Variants in STK38 observed in about 807,000 individuals in gnomAD.
STK38 encodes the protein serine/threonine kinase 38.
In STK38, 26 loss-of-function variants were observed where a neutral mutation model predicts 59.0. The ratio of observed to expected loss-of-function variants is 0.44; its 90% CI spans 0.32 to 0.61. STK38 has a LOEUF of 0.61. STK38 is among the 20% of genes least tolerant of loss of function. The pLI, the probability that STK38 is intolerant of heterozygous loss-of-function variation, is 0.04. For missense variants in STK38, 433 were observed against 566.0 expected (o/e 0.76, Z 2.38); for synonymous variants, 175 against 176.6 (o/e 0.99, Z 0.07).
chr6:36,501,475 G>T (rs747216481), intron 9 of STK38, among the ~76,000 whole-genome samples: 1 of 151,376 alleles, frequency 6.6e-6, no homozygotes, highest in Non-Finnish European at 1.5e-5. Context: ...CAGAAAAAAG[G>T]AACAGACAAT....
chr6:36,534,428 T>G (rs1777738218), intron 2 of STK38, among the ~76,000 whole-genome samples: 4 of 152,128 alleles, frequency 2.6e-5, no homozygotes. Flanking sequence ...GCAGGAGGAC[T>G]GCCTGAGGCC....
intron 7 of STK38, among the ~76,000 whole-genome samples, chr6:36,515,044 T>A (rs1561980617): frequency 6.6e-6 from 1 of 152,130 alleles, no homozygotes; most frequent in Admixed American, 6.5e-5. Context: ...GTTAATTATA[T>A]GCTAAGAGAA....
intron 9 of STK38, among the ~76,000 whole-genome samples, chr6:36,505,551 G>T (rs1164660146): frequency 6.6e-6 from 1 of 152,154 alleles, no homozygotes; most frequent in African/African-American, 2.4e-5. Flanking sequence ...GACCTACTAA[G>T]AGTGTTATTA....
chr6:36,498,513 T>A, intron 10 of STK38, 27 bp from the exon 11 acceptor site: 1 of 1,603,912 alleles, frequency 6.2e-7, no homozygotes, highest in South Asian at 1.1e-5. Context: ...ACTTCGGAGC[T>A]TTTACACTCC....
Position 36,531,721 on chromosome 6 carries a change from T to A in STK38, c.132-6079A>T, listed in dbSNP as rs954817384. Among the ~76,000 whole-genome samples, 3 of 152,356 alleles carry A rather than the reference T, an allele frequency of 2.0e-5. No individual in the cohort carries two copies. The South Asian group carries it at 6.2e-4, about 32-fold the overall frequency. The stretch of plus-strand genomic sequence containing the variant: ...ACACTAGATTCAGGGGGTTTAATTA[T>A]TTTTAAACCAATCTGTAGAAGCTAC... On this transcript the variant is annotated intron_variant, in intron 2 of 13. Transcript: ENST00000229812.
At chr6:36,539,584 T>C (rs1561993924) in intron 2 of STK38, among the ~76,000 whole-genome samples, 2 of 152,098 alleles carry the variant, frequency 1.3e-5, no homozygotes, top group Non-Finnish European at 2.9e-5. Flanking sequence ...CCCATTTTCC[T>C]GATGAGGGAA....
intron 2 of STK38, among the ~76,000 whole-genome samples, chr6:36,538,218 G>A (rs1424847041): frequency 6.6e-6 from 1 of 151,602 alleles, no homozygotes; most frequent in East Asian, 2.0e-4. Context: ...GTGGGAGAAT[G>A]GCGTGAACCT....
chr6:36,540,553 T>C (rs1423109198), intron 1 of STK38, among the ~76,000 whole-genome samples: 1 of 152,230 alleles, frequency 6.6e-6, no homozygotes, highest in African/African-American at 2.4e-5. Flanking sequence ...GAGCTGTGGC[T>C]GCATAGGAAA....
chr6:36,511,101 T>C (rs1020791727), intron 7 of STK38, among the ~76,000 whole-genome samples: 4 of 152,158 alleles, frequency 2.6e-5, no homozygotes, highest in African/African-American at 9.7e-5. Context: ...TGGCCAAAAT[T>C]TGAGCCCAAA....
At chr6:36,504,086 T>G (rs745692021) in intron 9 of STK38, among the ~76,000 whole-genome samples, 3 of 152,232 alleles carry the variant, frequency 2.0e-5, no homozygotes, top group Non-Finnish European at 4.4e-5. Context: ...TGTTCTAACC[T>G]TATGATTTTG....
intron 2 of STK38, among the ~76,000 whole-genome samples, chr6:36,537,341 A>G (rs1031689563): frequency 1.3e-5 from 2 of 152,362 alleles, no homozygotes; most frequent in Non-Finnish European, 2.9e-5. Flanking sequence ...GCAGTTTCTT[A>G]TAAAACTAAA....
At chr6:36,535,051 G>C (rs914474374) in intron 2 of STK38, among the ~76,000 whole-genome samples, 7 of 152,058 alleles carry the variant, frequency 4.6e-5, no homozygotes, top group African/African-American at 1.7e-4. Flanking sequence ...ATTCTAAATA[G>C]CATCCAGAAA....
chr6:36,544,241 T>C (rs1178597853), intron 1 of STK38, among the ~76,000 whole-genome samples: 1 of 152,138 alleles, frequency 6.6e-6, no homozygotes, highest in East Asian at 1.9e-4. Context: ...GCTACCTTAC[T>C]ATAAAATATC....
At chr6:36,503,234 T>C (rs572892846) in intron 9 of STK38, among the ~76,000 whole-genome samples, 2 of 152,322 alleles carry the variant, frequency 1.3e-5, no homozygotes, top group South Asian at 4.1e-4. Context: ...GAAGGTTTTT[T>C]TTCCTTAAAG....
At chr6:36,506,537 T>C (rs765684288) in intron 9 of STK38, 46 bp downstream of exon 9, 2 of 1,576,374 alleles carry the variant, frequency 1.3e-6, no homozygotes, top group East Asian at 2.2e-5. Context: ...TTTGAACTTA[T>C]TCATACTTGG....
At chr6:36,528,082 C>T (rs1466418405) in intron 2 of STK38, among the ~76,000 whole-genome samples, 2 of 151,644 alleles carry the variant, frequency 1.3e-5, no homozygotes, top group African/African-American at 2.4e-5. Flanking sequence ...GCACTCTAGC[C>T]TCGGTAACAG....
chr6:36,517,634 T>C (rs1777287725), intron 6 of STK38, 83 bp downstream of exon 6: 1 of 1,540,786 alleles, frequency 6.5e-7, no homozygotes, highest in South Asian at 1.2e-5. Context: ...CATTTAAAAG[T>C]AGAAAGGAGG....
At chr6:36,540,565 A>G (rs997184422) in intron 1 of STK38, among the ~76,000 whole-genome samples, 3 of 152,226 alleles carry the variant, frequency 2.0e-5, no homozygotes, top group Non-Finnish European at 2.9e-5. Context: ...CATAGGAAAT[A>G]CCATGCAACA....
At chr6:36,526,050 T>C (rs1404083430) in intron 2 of STK38, among the ~76,000 whole-genome samples, 1 of 152,098 alleles carries the variant, frequency 6.6e-6, no homozygotes, top group Non-Finnish European at 1.5e-5. Context: ...GAGGTCTCAT[T>C]ATATTGCCCA....
Sources: gnomAD v4.1 joint callset for allele counts (sites outside exome capture counted in the v4.1 genomes callset) on GRCh38, gnomAD v4.1.1 for gene constraint, MANE v1.5 for transcripts, NCBI Gene and HGNC (gene_info 2026-07-23, HGNC 2026-07-21) for gene names.